CCDC91: variants seen among roughly 807,000 people sequenced by gnomAD.
CCDC91 encodes coiled-coil domain containing 91, also known as coiled-coil domain-containing protein 91.
CCDC91 carries 48 observed loss-of-function variants against 63.2 expected under a neutral mutation model. That is an observed-to-expected ratio of 0.76 (90% CI 0.60 to 0.97). The LOEUF (loss-of-function observed/expected upper bound fraction) is 0.97. CCDC91 is among the 50% of genes least tolerant of loss of function. CCDC91 has a pLI of 0.00. For synonymous variants in CCDC91, 167 were observed against 165.8 expected (o/e 1.01, Z -0.06); for missense variants, 500 against 494.6 (o/e 1.01, Z -0.10).
chr12:28,523,910 T>C (rs1940999970), intron 12 of CCDC91, among the ~76,000 whole-genome samples: 1 of 152,214 alleles, frequency 6.6e-6, no homozygotes, highest in Non-Finnish European at 1.5e-5. Context: ...GCCCCCACTC[T>C]ATTCTGGCTT....
chr12:28,305,896 C>A, intron 4 of CCDC91, 90 bp downstream of exon 4: 1 of 1,115,628 alleles, frequency 9.0e-7, no homozygotes, highest in Admixed American at 2.3e-5. Context: ...CTTTTTTAGC[C>A]TATTTGTCTA....
intron 6 of CCDC91, among the ~76,000 whole-genome samples, chr12:28,322,339 T>C (rs1940589972): frequency 6.6e-6 from 1 of 151,792 alleles, no homozygotes; most frequent in African/African-American, 2.4e-5. Flanking sequence ...GCATAGGAAT[T>C]TGTGGATATG....
At chr12:28,218,199 C>T in intron 1 of CCDC91, among the ~76,000 whole-genome samples, 1 of 152,048 alleles carries the variant, frequency 6.6e-6, no homozygotes, top group Non-Finnish European at 1.5e-5. Flanking sequence ...TACTGTAGTT[C>T]TGCCTAAGAG....
intron 12 of CCDC91, among the ~76,000 whole-genome samples, chr12:28,498,352 A>G (rs1952423850): frequency 6.6e-6 from 1 of 151,640 alleles, no homozygotes; most frequent in South Asian, 2.1e-4. Flanking sequence ...AACTGTGAAC[A>G]AGGCATGTTC....
intron 1 of CCDC91, among the ~76,000 whole-genome samples, chr12:28,224,464 A>G (rs1183977112): frequency 1.3e-5 from 2 of 152,078 alleles, no homozygotes; most frequent in African/African-American, 4.8e-5. Context: ...TTCTCTCTGT[A>G]TAGAAATTTC....
At chr12:28,462,819 A>G (rs1469303563) in intron 11 of CCDC91, among the ~76,000 whole-genome samples, 2 of 152,076 alleles carry the variant, frequency 1.3e-5, no homozygotes, top group East Asian at 3.9e-4. Context: ...AAGATATTCT[A>G]TGAGCACATT....
intron 1 of CCDC91, among the ~76,000 whole-genome samples, chr12:28,209,512 A>G (rs1461497707): frequency 6.6e-6 from 1 of 150,944 alleles, no homozygotes; most frequent in African/African-American, 2.4e-5. Context: ...GCTCACTGCA[A>G]CCTCGGCCCC....
chr12:28,334,272 C>T (rs2137763579), intron 6 of CCDC91, among the ~76,000 whole-genome samples: 1 of 152,074 alleles, frequency 6.6e-6, no homozygotes, highest in South Asian at 2.1e-4. Flanking sequence ...TTGTATAGTT[C>T]TATTCTTTAT....
At chr12:28,439,739 T>C (rs866740517) in intron 8 of CCDC91, among the ~76,000 whole-genome samples, 1 of 150,808 alleles carries the variant, frequency 6.6e-6, no homozygotes, top group South Asian at 2.1e-4. Flanking sequence ...TTTTCTTTTT[T>C]TTTTTTTTTA....
At chr12:28,442,760 A>G (rs17434556) in intron 8 of CCDC91, among the ~76,000 whole-genome samples, 35,482 of 151,990 alleles carry the variant, frequency 0.23, 4,553 homozygotes, top group Non-Finnish European at 0.31. Context: ...GATCAGAAAC[A>G]AAAGACCGTT....
intron 11 of CCDC91, among the ~76,000 whole-genome samples, chr12:28,455,890 A>G (rs1016034661): frequency 6.6e-6 from 1 of 152,076 alleles, no homozygotes; most frequent in African/African-American, 2.4e-5. Flanking sequence ...ACAGATGGGG[A>G]GACTAAAGCT....
chr12:28,332,683 T>A (rs1941607074), intron 6 of CCDC91, among the ~76,000 whole-genome samples: 1 of 152,176 alleles, frequency 6.6e-6, no homozygotes, highest in African/African-American at 2.4e-5. Flanking sequence ...CCCCTCTGAC[T>A]TTTCTAGGAC....
intron 11 of CCDC91, among the ~76,000 whole-genome samples, chr12:28,460,951 A>G (rs1950278517): frequency 6.6e-6 from 1 of 151,970 alleles, no homozygotes; most frequent in South Asian, 2.1e-4. Context: ...TTTGTAATGC[A>G]AATCTCATAG....
chr12:28,402,520 A>ATTTTT (rs57398967), intron 8 of CCDC91, among the ~76,000 whole-genome samples: 2 of 51,936 alleles, frequency 3.9e-5, no homozygotes, highest in African/African-American at 7.9e-5. Flanking sequence ...AGTTCCAGGA[A>ATTTTT]TTTTTTTTTT....
At chr12:28,206,362 C>T (rs1942851193) in intron 1 of CCDC91, among the ~76,000 whole-genome samples, 3 of 152,206 alleles carry the variant, frequency 2.0e-5, no homozygotes, top group Admixed American at 2.0e-4. Flanking sequence ...ACAGTATCCT[C>T]ATGGTCACAC....
At chr12:28,314,699 GTAAT>G (rs1939661951) in intron 6 of CCDC91, among the ~76,000 whole-genome samples, 1 of 151,980 alleles carries the variant, frequency 6.6e-6, no homozygotes, top group African/African-American at 2.4e-5. Flanking sequence ...AAGAGAAAGA[GTAAT>G]TAATAAATGG....
intron 1 of CCDC91, among the ~76,000 whole-genome samples, chr12:28,205,550 T>TACAGCAAATTCAAAGAGACTGTATTGC (rs2135442900): frequency 6.6e-6 from 1 of 152,266 alleles, no homozygotes; most frequent in East Asian, 1.9e-4. Context: ...CTCCCAGAAT[T>TACAGCAAATTCAAAGAGACTGTATTGC]ACAGCAAATT....
intron 12 of CCDC91, among the ~76,000 whole-genome samples, chr12:28,498,462 A>G (rs556310237): frequency 4.4e-4 from 66 of 151,638 alleles, no homozygotes; most frequent in Non-Finnish European, 8.6e-4. Flanking sequence ...AAAGCAAGTT[A>G]TATGGTCAAG....
At chr12:28,297,896 A>C (rs563271834) in intron 3 of CCDC91, among the ~76,000 whole-genome samples, 144 of 151,968 alleles carry the variant, frequency 9.5e-4, no homozygotes, top group Non-Finnish European at 1.5e-3. Flanking sequence ...CATTTAAAAC[A>C]TGTATACCAT....
Sources: allele counts gnomAD v4.1 joint callset (sites outside exome capture counted in the v4.1 genomes callset), GRCh38; gene constraint gnomAD v4.1.1; transcripts MANE v1.5; gene names NCBI Gene and HGNC (gene_info 2026-07-23, HGNC 2026-07-21).